The following LAMA2 variants were observed in gnomAD, a reference collection of about 807,000 sequenced individuals.
LAMA2 encodes laminin subunit alpha-2.
A neutral mutation model predicts 364.8 loss-of-function variants in LAMA2; 269 were observed. That is an observed-to-expected ratio of 0.74 (90% CI 0.67 to 0.82). The LOEUF is 0.82. LAMA2 is among the 40% of genes least tolerant of loss of function. LAMA2 has a pLI of 0.00. For missense variants in LAMA2, 3,807 were observed against 3,873.2 expected (o/e 0.98, Z 0.45); for synonymous variants, 1,379 against 1,370.6 (o/e 1.01, Z -0.14).
chr6:129,413,493 T>C (rs1780638966), intron 40 of LAMA2, among the ~76,000 whole-genome samples: 1 of 151,954 alleles, frequency 6.6e-6, no homozygotes. Context: ...TTCGATGAAG[T>C]AACTCATGAA....
At chr6:129,035,841 A>C (rs1786604146) in intron 1 of LAMA2, among the ~76,000 whole-genome samples, 1 of 151,966 alleles carries the variant, frequency 6.6e-6, no homozygotes, top group Non-Finnish European at 1.5e-5. Context: ...CTTATGTGCC[A>C]TTTTTATACC....
chr6:129,225,327 A>G (rs1420482680), intron 12 of LAMA2, among the ~76,000 whole-genome samples: 2 of 152,018 alleles, frequency 1.3e-5, no homozygotes, highest in Non-Finnish European at 2.9e-5. Flanking sequence ...TTGTGACTCT[A>G]TCTCCTTCAG....
chr6:128,960,594 G>A (rs1331948754), intron 1 of LAMA2, among the ~76,000 whole-genome samples: 3 of 151,924 alleles, frequency 2.0e-5, no homozygotes, highest in Admixed American at 1.3e-4. Flanking sequence ...GCCTGACCTC[G>A]GGTGATCCAC....
chr6:129,335,339 A>G (rs1004620847), intron 29 of LAMA2, among the ~76,000 whole-genome samples: 1 of 149,606 alleles, frequency 6.7e-6, no homozygotes, highest in African/African-American at 2.5e-5. Context: ...TAGTACACAC[A>G]CATAGGTAGT....
chr6:129,229,035 G>A (rs958392977), intron 12 of LAMA2, among the ~76,000 whole-genome samples: 7 of 152,146 alleles, frequency 4.6e-5, no homozygotes, highest in Non-Finnish European at 7.3e-5. Context: ...GCATATACTT[G>A]ATGATTTGAT....
rs139070796 is a variant in LAMA2 at position 129,192,716 on chromosome 6, C to G, written c.1645C>G (p.Pro549Ala). 2.5e-6 allele frequency: 4 copies of G among 1,614,178 alleles called. No individual in the cohort carries two copies. Among genetic ancestry groups the G allele is most frequent in the South Asian group, 1.1e-5 (1 of 91,088 alleles). Residue 549 changes from proline (P) to alanine (A), a missense_variant, in exon 12 of 65, where the codon CCT becomes GCT. By Grantham distance (27) the Pro-to-Ala change is conservative (BLOSUM62 -1). Around this residue, in one of 3 missense-constraint regions of LAMA2, gnomAD observed 3,333 missense variants for 3,345.7 expected, o/e 1.00. Transcript: ENST00000421865. Reference sequence around the variant, plus strand: ...GAGTGGCTGGTATCTGACTGACCTTCCTGGCCGCATTCGAGTGGCTCCCCA... The same window carrying G: ...GAGTGGCTGGTATCTGACTGACCTTGCTGGCCGCATTCGAGTGGCTCCCCA... ...DMSGWYLTDL[P>A]GRIRVAPQQD...
chr6:129,008,700 A>G (rs551359342), intron 1 of LAMA2, among the ~76,000 whole-genome samples: 31 of 152,198 alleles, frequency 2.0e-4, no homozygotes, highest in Non-Finnish European at 3.5e-4. Flanking sequence ...AATGTTCAAG[A>G]ATCCTTTCAG....
At chr6:129,216,612 C>CT (rs1408310532) in intron 12 of LAMA2, among the ~76,000 whole-genome samples, 1 of 152,022 alleles carries the variant, frequency 6.6e-6, no homozygotes, top group African/African-American at 2.4e-5. Flanking sequence ...TCACAGAGGG[C>CT]TATATGAGAT....
At chr6:129,176,830 A>G (rs1780625664) in intron 9 of LAMA2, among the ~76,000 whole-genome samples, 1 of 151,838 alleles carries the variant, frequency 6.6e-6, no homozygotes, top group Non-Finnish European at 1.5e-5. Context: ...TCTTGTGCAC[A>G]TTACATGTTT....
intron 24 of LAMA2, 109 bp downstream of exon 24, chr6:129,314,907 T>G: frequency 9.0e-7 from 1 of 1,111,632 alleles, no homozygotes. Context: ...TTAAGTAACC[T>G]TTTCCTCTGT....
intron 14 of LAMA2, among the ~76,000 whole-genome samples, chr6:129,256,782 A>C (rs953480181): frequency 1.4e-5 from 2 of 142,374 alleles, no homozygotes; most frequent in Non-Finnish European, 3.1e-5. Context: ...ATATATATAT[A>C]TATATATATA....
chr6:128,930,102 G>A (rs779673088), intron 1 of LAMA2: 5 of 307,854 alleles, frequency 1.6e-5, no homozygotes, highest in Non-Finnish European at 2.4e-5. Context: ...CCCACAGCCC[G>A]CACAGGGCGG....
At chr6:129,224,406 G>T (rs1583288211) in intron 12 of LAMA2, among the ~76,000 whole-genome samples, 1 of 152,116 alleles carries the variant, frequency 6.6e-6, no homozygotes, top group African/African-American at 2.4e-5. Flanking sequence ...GTGAGAGAGG[G>T]CATCCCTGTC....
In LAMA2 at chr6:129,502,156, C is replaced by T. The variant is rs985510583; in HGVS notation, c.8245-503C>T. On this transcript the variant is annotated intron_variant, in intron 58 of 64. Coordinates refer to ENST00000421865, the MANE Select transcript of LAMA2 (RefSeq NM_000426.4). ...GGGCTGACGTGCAGGTTTAGATACA[C>T]CATCTTGAAAGTCTACATTCATGGA... 2.0e-5 allele frequency among the ~76,000 whole-genome samples: 3 copies of T among 152,112 alleles called. No individual in the cohort carries two copies. In the South Asian group the frequency reaches 6.2e-4, roughly 32 times the overall value.
In LAMA2 at chr6:128,937,377, A is replaced by G. The variant is rs373117080; in HGVS notation, c.112+54020A>G. Among the ~76,000 whole-genome samples the G allele has an allele frequency of 5.3e-5, 8 of 152,262 alleles. No homozygotes were observed. In the South Asian group the frequency reaches 1.2e-3, roughly 24 times the overall value. On this transcript the variant is annotated intron_variant, in intron 1 of 64. Transcript: ENST00000421865. ...TAGCATTGTATAATAGTTACCTCAT[A>G]TAATGAGATTGGAAGTGTTCCCTCC...
chr6:129,025,330 T>A (rs1785736772), intron 1 of LAMA2, among the ~76,000 whole-genome samples: 1 of 152,210 alleles, frequency 6.6e-6, no homozygotes, highest in South Asian at 2.1e-4. Flanking sequence ...TCATATACAT[T>A]GTTTTGCATT....
chr6:129,041,054 G>T (rs1182884673), intron 1 of LAMA2, among the ~76,000 whole-genome samples: 2 of 152,148 alleles, frequency 1.3e-5, no homozygotes, highest in African/African-American at 2.4e-5. Flanking sequence ...TTGAAAACCA[G>T]CTGTGCCATT....
intron 40 of LAMA2, among the ~76,000 whole-genome samples, chr6:129,416,814 G>A (rs1780817725): frequency 6.6e-6 from 1 of 152,202 alleles, no homozygotes; most frequent in Admixed American, 6.5e-5. Flanking sequence ...GTGGCGAGGG[G>A]TGTGTGAGTG....
chr6:129,207,690 A>G (rs1423434428), intron 12 of LAMA2, among the ~76,000 whole-genome samples: 1 of 149,752 alleles, frequency 6.7e-6, no homozygotes, highest in Non-Finnish European at 1.5e-5. Context: ...TAGAAGAATT[A>G]GGAGCAAAAG....
Sources: allele counts gnomAD v4.1 joint callset (sites outside exome capture counted in the v4.1 genomes callset), GRCh38; gene constraint gnomAD v4.1.1; regional missense constraint gnomAD v4.1.1; transcripts MANE v1.5; gene names NCBI Gene and HGNC (gene_info 2026-07-23, HGNC 2026-07-21).